The following CELF2 variants were observed in gnomAD, a reference collection of about 807,000 sequenced individuals.
CELF2 encodes CUG triplet repeat RNA-binding protein 2.
CELF2 carries 8 observed loss-of-function variants against 62.6 expected under a neutral mutation model. That is an observed-to-expected ratio of 0.13 (90% CI 0.07 to 0.23). The LOEUF (loss-of-function observed/expected upper bound fraction) is 0.23, where lower values mean the gene tolerates loss of function less well. CELF2 is among the 10% of genes least tolerant of loss of function. The probability of loss-of-function intolerance (pLI) is 1.00; values close to 1 mark genes in which losing one functional copy is unlikely to be tolerated. For missense variants in CELF2, 333 were observed against 671.0 expected, an observed-to-expected ratio of 0.50 and a Z score of 5.56; for synonymous variants, 258 against 250.0, an observed-to-expected ratio of 1.03 and a Z score of -0.30.
At chr10:10,794,476 A>T (rs1438171632), upstream of CELF2, among the ~76,000 whole-genome samples, 2 of 152,248 alleles carry the variant, frequency 1.3e-5, no homozygotes, top group Non-Finnish European at 2.9e-5. Flanking sequence ...AATGTTTAGG[A>T]TAATCAGATC....
chr10:10,471,455 A>G, the CELF2 span, among the ~76,000 whole-genome samples: 1,251 of 151,870 alleles, frequency 8.2e-3, 16 homozygotes, highest in African/African-American at 0.029. Flanking sequence ...GTTACATTAT[A>G]CTGCTGTGTT....
chr10:10,484,656 G>A, the CELF2 span, among the ~76,000 whole-genome samples: 768 of 151,932 alleles, frequency 5.1e-3, 6 homozygotes, highest in African/African-American at 0.017. Flanking sequence ...CTTTTCAGTC[G>A]GTTAGGAATA....
chr10:11,152,215 A>G (rs1488469855), intron 1 of CELF2, among the ~76,000 whole-genome samples: 1 of 152,204 alleles, frequency 6.6e-6, no homozygotes, highest in Non-Finnish European at 1.5e-5. Flanking sequence ...AAACATATTC[A>G]TGTAGTCACT....
intron 1 of CELF2, among the ~76,000 whole-genome samples, chr10:11,144,833 A>C (rs2061959913): frequency 7.0e-6 from 1 of 142,004 alleles, no homozygotes; most frequent in Non-Finnish European, 1.5e-5. Context: ...TTGAGGCTGC[A>C]GTGAGCCATG....
chr10:11,202,091 A>G (rs2059347611), intron 2 of CELF2, among the ~76,000 whole-genome samples: 1 of 152,180 alleles, frequency 6.6e-6, no homozygotes. Context: ...TTGGAGTAGC[A>G]GATTGTTTCA....
At chr10:11,136,704 A>G (rs1173381581) in intron 1 of CELF2, among the ~76,000 whole-genome samples, 6 of 152,254 alleles carry the variant, frequency 3.9e-5, no homozygotes, top group Non-Finnish European at 1.5e-5. Context: ...AAGGCTAACA[A>G]TAACAGTGTT....
chr10:11,293,823 C>G (rs920022312), intron 9 of CELF2, among the ~76,000 whole-genome samples: 1 of 151,904 alleles, frequency 6.6e-6, no homozygotes, highest in Non-Finnish European at 1.5e-5. Context: ...AGTGGAATAG[C>G]GAAGCAAAAA....
At chr10:10,695,131 G>A in the CELF2 span, among the ~76,000 whole-genome samples, 1 of 149,606 alleles carries the variant, frequency 6.7e-6, no homozygotes, top group South Asian at 2.2e-4. Context: ...GCATGATTTT[G>A]CAGCGGCTGG....
chr10:11,024,239 C>T (rs2058770446), intron 1 of CELF2, among the ~76,000 whole-genome samples: 1 of 152,130 alleles, frequency 6.6e-6, no homozygotes, highest in South Asian at 2.1e-4. Flanking sequence ...GGTAGTTGAC[C>T]AGTTTGCCAG....
chr10:10,524,194 A>G, the CELF2 span, among the ~76,000 whole-genome samples: 1 of 152,126 alleles, frequency 6.6e-6, no homozygotes, highest in Non-Finnish European at 1.5e-5. Flanking sequence ...GGAATAAGAA[A>G]GAAAACTAGG....
chr10:11,221,469 TC>T (rs2064859109), intron 3 of CELF2, among the ~76,000 whole-genome samples: 1 of 152,234 alleles, frequency 6.6e-6, no homozygotes, highest in African/African-American at 2.4e-5. Flanking sequence ...TTTTCAATAA[TC>T]AGATGTCAGG....
At chr10:11,102,730 T>G (rs531588291) in intron 1 of CELF2, among the ~76,000 whole-genome samples, 1 of 152,188 alleles carries the variant, frequency 6.6e-6, no homozygotes, top group Non-Finnish European at 1.5e-5. Context: ...CCAAATTCAA[T>G]GTAAAATGGA....
At chr10:10,893,215 C>A (rs1271424748) in intron 1 of CELF2, among the ~76,000 whole-genome samples, 2 of 152,162 alleles carry the variant, frequency 1.3e-5, no homozygotes, top group Admixed American at 6.5e-5. Flanking sequence ...CACAGAGACA[C>A]AAGAGAGGGT....
At chr10:11,295,505 C>CTCTCT (rs2093060895) in intron 9 of CELF2, among the ~76,000 whole-genome samples, 1 of 152,210 alleles carries the variant, frequency 6.6e-6, no homozygotes, top group South Asian at 2.1e-4. Context: ...GAGAGGGAAG[C>CTCTCT]TCTCTTCTCT....
At chr10:11,313,081 C>G (rs2094668487) in intron 9 of CELF2, among the ~76,000 whole-genome samples, 1 of 152,096 alleles carries the variant, frequency 6.6e-6, no homozygotes, top group African/African-American at 2.4e-5. Flanking sequence ...AAAATACAAA[C>G]AGATAAGTAA....
chr10:11,284,387 C>T (rs1163195425), intron 8 of CELF2, among the ~76,000 whole-genome samples: 9 of 104,478 alleles, frequency 8.6e-5, no homozygotes, highest in African/African-American at 2.8e-4. Flanking sequence ...GGGTGGATGA[C>T]GGAGGGGTGG....
intron 3 of CELF2, among the ~76,000 whole-genome samples, chr10:11,225,262 C>T (rs1347204381): frequency 6.6e-6 from 1 of 152,148 alleles, no homozygotes; most frequent in African/African-American, 2.4e-5. Flanking sequence ...TCCTCATTGT[C>T]CCTGCCTGTC....
chr10:10,502,443 A>G, the CELF2 span, among the ~76,000 whole-genome samples: 1 of 151,926 alleles, frequency 6.6e-6, no homozygotes, highest in South Asian at 2.1e-4. Context: ...TTATTTTCTG[A>G]ATTGTTACAG....
At chr10:11,018,301 G>A (rs2057650572) in intron 1 of CELF2, 138 bp downstream of exon 1, 1 of 613,162 alleles carries the variant, frequency 1.6e-6, no homozygotes, top group East Asian at 4.6e-5. Context: ...TCGGCCTTCG[G>A]AGGCCGGCAC....
Sources: gnomAD v4.1 joint callset for allele counts (sites outside exome capture counted in the v4.1 genomes callset) on GRCh38, gnomAD v4.1.1 for gene constraint, MANE v1.5 for transcripts, NCBI Gene and HGNC (gene_info 2026-07-23, HGNC 2026-07-21) for gene names.